Variants in BABAM2 observed in about 807,000 individuals in gnomAD.
BABAM2 encodes the protein BRISC and BRCA1 A complex member 2.
In BABAM2, 31 loss-of-function variants were observed where a neutral mutation model predicts 54.7. That is an observed-to-expected ratio of 0.57 (90% CI 0.43 to 0.77). BABAM2 has a LOEUF of 0.77. Ranked by LOEUF, BABAM2 falls within the 30% of genes least tolerant of loss-of-function variation. BABAM2 has a pLI of 0.00. For synonymous variants in BABAM2, 167 were observed against 162.9 expected, an observed-to-expected ratio of 1.03 and a Z score of -0.19; for missense variants, 364 against 455.8, an observed-to-expected ratio of 0.80 and a Z score of 1.83.
At chr2:27,889,653 TTTATG>T (rs1232981360), upstream of BABAM2, among the ~76,000 whole-genome samples, 1 of 152,220 alleles carries the variant, frequency 6.6e-6, no homozygotes, top group African/African-American at 2.4e-5. Context: ...AAATACTGTG[TTTATG>T]TTTTTATTTT....
chr2:28,062,975 C>T (rs1442701908), intron 6 of BABAM2, among the ~76,000 whole-genome samples: 3 of 152,212 alleles, frequency 2.0e-5, no homozygotes, highest in South Asian at 2.1e-4. Context: ...GTCTGCCTAG[C>T]ACGTCTTTTC....
chr2:28,309,902 C>A, intron 11 of BABAM2: 2 of 603,100 alleles, frequency 3.3e-6, no homozygotes, highest in Admixed American at 2.9e-5. Flanking sequence ...GGACTGAGGT[C>A]ACCAAGGCCT....
intron 6 of BABAM2, among the ~76,000 whole-genome samples, chr2:28,124,202 C>G (rs900760078): frequency 4.6e-5 from 7 of 152,192 alleles, no homozygotes; most frequent in African/African-American, 1.7e-4. Context: ...ATCTAACTCA[C>G]ATAGGGCTAC....
rs576230347 is a variant in BABAM2 at position 27,938,454 on chromosome 2, C to T, written c.205+8546C>T. On this transcript the variant is annotated intron_variant, in intron 3 of 11. Coordinates refer to ENST00000379624, the MANE Select transcript of BABAM2 (RefSeq NM_199191.3). ...TCCCCCAGGCTAGAATGCAGTGGCA[C>T]GGTCTCGGCTCACTGCAACCTCCGC... Among the ~76,000 whole-genome samples the T allele has an allele frequency of 2.6e-4, 39 of 151,760 alleles. No homozygotes were observed. The East Asian group carries it at 7.4e-3, about 29-fold the overall frequency.
At chr2:28,029,390 T>C (rs1248275428) in intron 5 of BABAM2, among the ~76,000 whole-genome samples, 1 of 152,240 alleles carries the variant, frequency 6.6e-6, no homozygotes, top group Non-Finnish European at 1.5e-5. Context: ...GCAGTCACTT[T>C]ACTATTTTAT....
chr2:28,237,950 A>G (rs907308351), intron 8 of BABAM2, among the ~76,000 whole-genome samples: 13 of 152,050 alleles, frequency 8.5e-5, no homozygotes, highest in Non-Finnish European at 1.9e-4. Context: ...CCCGGGTTCA[A>G]GCGATTCTCC....
chr2:28,013,872 C>A (rs1674601414), intron 4 of BABAM2, among the ~76,000 whole-genome samples: 1 of 151,922 alleles, frequency 6.6e-6, no homozygotes, highest in South Asian at 2.1e-4. Flanking sequence ...CCAAAAACTC[C>A]CCAAAACAGT....
chr2:28,174,229 A>G (rs1056031935), intron 7 of BABAM2, among the ~76,000 whole-genome samples: 1 of 152,230 alleles, frequency 6.6e-6, no homozygotes, highest in Non-Finnish European at 1.5e-5. Flanking sequence ...TGGGAAGGCC[A>G]CTCATTCACT....
At position 28,129,266 on chromosome 2, in the gene BABAM2, T is replaced by C; in HGVS notation, c.571-5T>C. 6.2e-7 allele frequency: 1 copy of C among 1,610,602 alleles called. No individual in the cohort carries two copies. The highest frequency in any genetic ancestry group is 1.1e-5 in the South Asian group (1 of 90,996). The stretch of plus-strand genomic sequence containing the variant: ...CTGATGTTGTGTTTTCACTTCTTGT[T>C]TAAGGATGTAAATGAAGACCCTGGA... On this transcript the variant is annotated splice_region_variant and splice_polypyrimidine_tract_variant and intron_variant, in intron 6 of 11. Coordinates refer to ENST00000379624, the MANE Select transcript of BABAM2 (RefSeq NM_199191.3).
intron 7 of BABAM2, among the ~76,000 whole-genome samples, chr2:28,204,700 T>C (rs184259970): frequency 4.6e-5 from 7 of 152,234 alleles, no homozygotes; most frequent in Non-Finnish European, 1.0e-4. Flanking sequence ...CCAACCTTTA[T>C]TGAATGCTTA....
intron 3 of BABAM2, among the ~76,000 whole-genome samples, chr2:27,960,285 C>T (rs570716774): frequency 6.6e-6 from 1 of 152,282 alleles, no homozygotes; most frequent in South Asian, 2.1e-4. Context: ...TTTGCACAGA[C>T]TTCCAAGCAC....
At chr2:28,026,768 A>AAATATATAAAAAATATAAATATATATTT (rs1558666678) in intron 5 of BABAM2, among the ~76,000 whole-genome samples, 3 of 63,446 alleles carry the variant, frequency 4.7e-5, no homozygotes, top group African/African-American at 1.8e-4. Flanking sequence ...TATCTATATA[A>AAATATATAAAAAATATAAATATATATTT]ATATATAAAA....
chr2:27,970,005 G>C (rs1230103223), intron 3 of BABAM2, among the ~76,000 whole-genome samples: 1 of 152,106 alleles, frequency 6.6e-6, no homozygotes, highest in Non-Finnish European at 1.5e-5. Context: ...GGTACACCCT[G>C]AGTTTCTTGC....
At chr2:28,281,223 G>C (rs1208330703) in intron 10 of BABAM2, among the ~76,000 whole-genome samples, 1 of 152,128 alleles carries the variant, frequency 6.6e-6, no homozygotes, top group Non-Finnish European at 1.5e-5. Context: ...CAGGAGACCT[G>C]GGCTGGTCCC....
intron 11 of BABAM2, among the ~76,000 whole-genome samples, chr2:28,299,602 A>G (rs761870353): frequency 2.6e-5 from 4 of 152,164 alleles, no homozygotes; most frequent in Non-Finnish European, 2.9e-5. Context: ...AGCATCTACC[A>G]TGTTCCAAGC....
At chr2:28,075,831 A>G (rs1466311744) in intron 6 of BABAM2, among the ~76,000 whole-genome samples, 2 of 151,946 alleles carry the variant, frequency 1.3e-5, no homozygotes, top group African/African-American at 4.8e-5. Context: ...TGAATGAGAG[A>G]CTCTGTACTT....
At chr2:27,930,703 T>A (rs1253852006) in intron 3 of BABAM2, among the ~76,000 whole-genome samples, 1 of 152,240 alleles carries the variant, frequency 6.6e-6, no homozygotes, top group African/African-American at 2.4e-5. Context: ...ATGGATAGTA[T>A]GGAAGATCTG....
At chr2:28,139,946 TTCTGAAAACACAAA>T (rs1357901213) in intron 7 of BABAM2, among the ~76,000 whole-genome samples, 1 of 152,054 alleles carries the variant, frequency 6.6e-6, no homozygotes, top group Non-Finnish European at 1.5e-5. Context: ...CAGAGTAGTC[TTCTGAAAACACAAA>T]TCTGATCTAT....
chr2:28,069,017 C>A (rs139964437), intron 6 of BABAM2, among the ~76,000 whole-genome samples: 3 of 152,124 alleles, frequency 2.0e-5, no homozygotes, highest in African/African-American at 7.2e-5. Context: ...AGACTCCTGG[C>A]AAACTGAATA....
Sources: allele counts gnomAD v4.1 joint callset (sites outside exome capture counted in the v4.1 genomes callset), GRCh38; gene constraint gnomAD v4.1.1; transcripts MANE v1.5; gene names NCBI Gene and HGNC (gene_info 2026-07-23, HGNC 2026-07-21).